MCTP2: variants seen among roughly 807,000 people sequenced by gnomAD.
MCTP2 encodes the protein multiple C2 and transmembrane domain-containing protein 2.
Under a neutral mutation model 111.6 loss-of-function variants are expected in MCTP2, and 132 were observed. That is an observed-to-expected ratio of 1.18 (90% CI 1.03 to 1.37). MCTP2 has a LOEUF of 1.37. MCTP2 is among the 40% of genes most tolerant of loss of function. The pLI is 0.00. For missense variants in MCTP2, 1,183 were observed against 1,067.9 expected (o/e 1.11, Z -1.50); for synonymous variants, 395 against 387.7 (o/e 1.02, Z -0.22).
At chr15:94,427,402 G>A (rs910128954) in intron 17 of MCTP2, among the ~76,000 whole-genome samples, 3 of 152,126 alleles carry the variant, frequency 2.0e-5, no homozygotes, top group African/African-American at 7.2e-5. Flanking sequence ...TTAACAGGAA[G>A]CATGACTGGG....
chr15:94,473,339 C>A (rs376135445), intron 21 of MCTP2, among the ~76,000 whole-genome samples: 1 of 152,292 alleles, frequency 6.6e-6, no homozygotes, highest in East Asian at 1.9e-4. Flanking sequence ...AATGAGCCTG[C>A]AAGCTTAATA....
Position 94,391,164 on chromosome 15 carries a change from C to T in MCTP2, c.1788+5639C>T, listed in dbSNP as rs537991030. Among the ~76,000 whole-genome samples, 259 of 152,244 alleles carry T rather than the reference C, an allele frequency of 1.7e-3. 1 individual carries two copies. The highest frequency in any genetic ancestry group is 3.9e-3 in the South Asian group (19 of 4,824). ...CCAGTGTTCTCGGTGAATCCATGTA[C>T]ACCCGATAGCTGGCTGCACCAATAA... is the stretch of plus-strand genomic sequence containing the variant. On this transcript the variant is annotated intron_variant, in intron 14 of 22. Transcript: ENST00000357742.
intron 1 of MCTP2, among the ~76,000 whole-genome samples, chr15:94,244,806 A>G (rs28971989): frequency 0.3 from 30,782 of 103,012 alleles, 6,298 homozygotes; most frequent in South Asian, 0.34. Context: ...ATGTTTATAT[A>G]CGTATATGTA....
intron 14 of MCTP2, among the ~76,000 whole-genome samples, chr15:94,394,982 A>C (rs372263329): frequency 6.6e-6 from 1 of 152,282 alleles, no homozygotes; most frequent in South Asian, 2.1e-4. Flanking sequence ...GATGAATTCC[A>C]TGCTGCCTCT....
chr15:94,300,849 A>T (rs1406077885), intron 2 of MCTP2, among the ~76,000 whole-genome samples: 2 of 152,112 alleles, frequency 1.3e-5, no homozygotes, highest in Admixed American at 1.3e-4. Context: ...GCTGGTGATC[A>T]CAGCCTGAAG....
intron 17 of MCTP2, among the ~76,000 whole-genome samples, chr15:94,436,256 C>G (rs2083470841): frequency 6.6e-6 from 1 of 152,164 alleles, no homozygotes; most frequent in Non-Finnish European, 1.5e-5. Context: ...TGCAGCTGCT[C>G]TTGGATCAAA....
At chr15:94,251,589 C>A (rs758011361) in intron 1 of MCTP2, among the ~76,000 whole-genome samples, 1 of 152,034 alleles carries the variant, frequency 6.6e-6, no homozygotes, top group East Asian at 1.9e-4. Flanking sequence ...GAACTCCCGA[C>A]GTCGGGTGAT....
At chr15:94,239,798 G>A (rs570060544) in intron 1 of MCTP2, among the ~76,000 whole-genome samples, 13 of 152,314 alleles carry the variant, frequency 8.5e-5, no homozygotes, top group Non-Finnish European at 1.9e-4. Context: ...CAAAAGACAC[G>A]GTGGGGCTTG....
At chr15:94,356,887 A>C (rs572600756) in intron 9 of MCTP2, among the ~76,000 whole-genome samples, 2 of 152,318 alleles carry the variant, frequency 1.3e-5, no homozygotes, top group Admixed American at 6.5e-5. Context: ...TTTAATTTTT[A>C]ATCTTAGTAA....
At position 94,446,559 on chromosome 15, in the gene MCTP2, CAAT is replaced by C. The variant is rs371520000; in HGVS notation, c.2250+3604_2250+3606del. On this transcript the variant is annotated intron_variant, in intron 19 of 22. Transcript: ENST00000357742. ...CATACTTAGGAAAGGTCAAGCAAGA[CAAT>C]AATATCTTGTTTTCATTACAGAAGG... Among the ~76,000 whole-genome samples the C allele has an allele frequency of 4.6e-3, 705 of 152,278 alleles. 4 individuals are homozygous for C. The highest frequency in any genetic ancestry group is 0.015 in the African/African-American group (642 of 41,540).
intron 13 of MCTP2, 142 bp from the exon 14 acceptor site, chr15:94,385,281 T>A: frequency 1.8e-6 from 1 of 552,478 alleles, no homozygotes; most frequent in Non-Finnish European, 3.2e-6. Flanking sequence ...TCAGTTTGAT[T>A]TAATTTTTGG....
chr15:94,260,370 A>AGGGT (rs1202882937), intron 1 of MCTP2, among the ~76,000 whole-genome samples: 1 of 152,130 alleles, frequency 6.6e-6, no homozygotes, highest in Non-Finnish European at 1.5e-5. Flanking sequence ...TCATGATTGG[A>AGGGT]GGGTGCAGCC....
chr15:94,297,211 T>C (rs1323777640), intron 1 of MCTP2, among the ~76,000 whole-genome samples: 3 of 152,182 alleles, frequency 2.0e-5, no homozygotes, highest in Non-Finnish European at 4.4e-5. Context: ...TTTCTGCAAA[T>C]TTGATTTTGA....
At chr15:94,300,359 A>C (rs918628335) in intron 2 of MCTP2, among the ~76,000 whole-genome samples, 1 of 151,946 alleles carries the variant, frequency 6.6e-6, no homozygotes, top group Non-Finnish European at 1.5e-5. Context: ...AATACAAAAA[A>C]ATTAGCCGGG....
At chr15:94,418,196 C>T (rs1487077879) in intron 17 of MCTP2, among the ~76,000 whole-genome samples, 1 of 152,128 alleles carries the variant, frequency 6.6e-6, no homozygotes, top group African/African-American at 2.4e-5. Flanking sequence ...TCAGAGAACA[C>T]TCTTAGAGAA....
intron 17 of MCTP2, among the ~76,000 whole-genome samples, chr15:94,404,905 G>A (rs2081826461): frequency 1.3e-5 from 2 of 152,174 alleles, no homozygotes; most frequent in Admixed American, 1.3e-4. Flanking sequence ...GACACACACT[G>A]ACGGATGTTC....
chr15:94,263,753 C>G (rs2073342153), intron 1 of MCTP2, among the ~76,000 whole-genome samples: 1 of 152,222 alleles, frequency 6.6e-6, no homozygotes, highest in Admixed American at 6.5e-5. Context: ...CTTCAGCCTC[C>G]TCTGGGAATA....
At chr15:94,251,448 TC>T (rs1316712780) in intron 1 of MCTP2, among the ~76,000 whole-genome samples, 1 of 151,332 alleles carries the variant, frequency 6.6e-6, no homozygotes, top group African/African-American at 2.4e-5. Context: ...AACCTCCACC[TC>T]CCGGGTTCAA....
rs1191832066 is a variant in MCTP2, at chr15:94,483,630, C to T, written c.*4596C>T. ...CAGAAAACCAAATACCACATGTTCT[C>T]ATTTATAGGTAGGAGTTAAATGATG... On this transcript the variant is annotated 3_prime_UTR_variant, in exon 23 of 23. Coordinates refer to ENST00000357742, the MANE Select transcript of MCTP2 (RefSeq NM_001385001.1). 4 of 152,118 alleles carry T rather than the reference C, an allele frequency of 2.6e-5. No individual in the cohort carries two copies. The highest frequency in any genetic ancestry group is 2.9e-5 in the Non-Finnish European group (2 of 68,008). 9.4% of individuals were successfully genotyped at this position (152,118 alleles called of 1,614,324 possible). A position where few individuals can be genotyped will look rare whatever the true frequency, so the allele number is the denominator to read the frequency against.
Sources: allele counts gnomAD v4.1 joint callset (sites outside exome capture counted in the v4.1 genomes callset), GRCh38; gene constraint gnomAD v4.1.1; transcripts MANE v1.5; gene names NCBI Gene and HGNC (gene_info 2026-07-23, HGNC 2026-07-21).